CDKN3: variants seen among roughly 807,000 people sequenced by gnomAD.
CDKN3 encodes cyclin-dependent kinase inhibitor 3.
Under a neutral mutation model 36.1 loss-of-function variants are expected in CDKN3, and 19 were observed. The observed-to-expected ratio is 0.53, with a 90% CI of 0.37 to 0.77. The LOEUF is 0.77. Among genes scored for constraint, CDKN3 ranks in the 30% least tolerant of loss-of-function variants. CDKN3 has a pLI of 0.00. For synonymous variants in CDKN3, 71 were observed against 85.3 expected, an observed-to-expected ratio of 0.83 and a Z score of 0.92; for missense variants, 188 against 248.6, an observed-to-expected ratio of 0.76 and a Z score of 1.64.
At chr14:54,404,779 T>C (rs2030092881) in intron 3 of CDKN3, among the ~76,000 whole-genome samples, 1 of 150,806 alleles carries the variant, frequency 6.6e-6, no homozygotes, top group Admixed American at 6.6e-5. Flanking sequence ...GGTTTCACCG[T>C]GTTAGCCAGG....
rs57573974 is a variant in CDKN3 at position 54,418,722 on chromosome 14, A to G, written c.552+771A>G. On this transcript the variant is annotated intron_variant, in intron 7 of 7. Transcript: ENST00000335183. The stretch of plus-strand genomic sequence containing the variant: ...AGGGTTGGAGGTCTAATCCAGTGTC[A>G]TTAACAGTGAATTATCATAATTACT... Among the ~76,000 whole-genome samples, 195 of 152,340 alleles carry G rather than the reference A, an allele frequency of 1.3e-3. 2 individuals carry two copies. The highest frequency in any genetic ancestry group is 4.4e-3 in the African/African-American group (182 of 41,574).
At chr14:54,408,370 C>A (rs937235322) in intron 3 of CDKN3, among the ~76,000 whole-genome samples, 1 of 152,214 alleles carries the variant, frequency 6.6e-6, no homozygotes, top group Non-Finnish European at 1.5e-5. Flanking sequence ...ACACACTTTG[C>A]GAAGCCCTCA....
chr14:54,410,725 C>T (rs574760756), intron 4 of CDKN3, among the ~76,000 whole-genome samples: 2 of 151,976 alleles, frequency 1.3e-5, no homozygotes, highest in Admixed American at 6.5e-5. Context: ...AAGCAAACAG[C>T]TAAGTGATGA....
At chr14:54,411,324 C>T in intron 4 of CDKN3, 160 bp from the exon 5 acceptor site, 1 of 596,596 alleles carries the variant, frequency 1.7e-6, no homozygotes, top group East Asian at 2.8e-5. Context: ...TTCTAGACCC[C>T]TTTTGATTCA....
Position 54,408,745 on chromosome 14 carries a change from G to A in CDKN3, c.149G>A (p.Gly50Asp). The change falls in exon 4 of 8, where the codon GGT (glycine) becomes GAT (aspartate). Residue 50 changes from glycine to aspartate, a missense_variant and splice_region_variant. Gly to Asp is a moderately conservative substitution (Grantham distance 94). Transcript: ENST00000335183. ...TTACTTGCTTTATTATTACTTATAG[G>A]TTGTAAATTTAAAGATGTTAGAAGA... ...SQFLGLCALP[G>D]CKFKDVRRNV... The A allele has an allele frequency of 6.3e-7, 1 of 1,575,086 alleles. No homozygotes were observed. The highest frequency in any genetic ancestry group is 8.6e-7 in the Non-Finnish European group (1 of 1,166,034).
At chr14:54,401,259 T>C (rs1165400346) in intron 2 of CDKN3, among the ~76,000 whole-genome samples, 2 of 152,206 alleles carry the variant, frequency 1.3e-5, no homozygotes, top group African/African-American at 2.4e-5. Flanking sequence ...ATCATAGGCA[T>C]GAGCCACTGC....
chr14:54,408,833 G>T, intron 4 of CDKN3, 44 bp downstream of exon 4: 1 of 1,497,880 alleles, frequency 6.7e-7, no homozygotes, highest in South Asian at 1.4e-5. Context: ...TTTTTTAAAT[G>T]AATAGCATTG....
chr14:54,402,528 T>C (rs1330220441), intron 3 of CDKN3, among the ~76,000 whole-genome samples: 4 of 152,212 alleles, frequency 2.6e-5, no homozygotes, highest in African/African-American at 9.6e-5. Context: ...TAGTTTCTTT[T>C]GCTGTGCAGA....
intron 4 of CDKN3, among the ~76,000 whole-genome samples, chr14:54,410,647 T>G (rs553296622): frequency 9.2e-5 from 14 of 152,290 alleles, no homozygotes; most frequent in African/African-American, 3.4e-4. Context: ...AGTGCAGATA[T>G]GAGGGAGAAT....
At chr14:54,416,828 T>C (rs1019171017) in intron 6 of CDKN3, among the ~76,000 whole-genome samples, 1 of 151,468 alleles carries the variant, frequency 6.6e-6, no homozygotes, top group Non-Finnish European at 1.5e-5. Context: ...AAAGAAAAAA[T>C]AATAATAATA....
intron 1 of CDKN3, among the ~76,000 whole-genome samples, chr14:54,397,700 A>G (rs1185931627): frequency 3.3e-5 from 5 of 152,252 alleles, no homozygotes; most frequent in Non-Finnish European, 7.3e-5. Context: ...TGCTTTAAAG[A>G]AAAAACAGAT....
intron 3 of CDKN3, among the ~76,000 whole-genome samples, chr14:54,402,464 C>G (rs10133900): frequency 0.29 from 43,497 of 151,930 alleles, 7,136 homozygotes; most frequent in African/African-American, 0.44. Flanking sequence ...TTGTCAGATG[C>G]ATAGACGGCA....
chr14:54,413,526 T>G, intron 5 of CDKN3: 2 of 986,694 alleles, frequency 2.0e-6, no homozygotes, highest in Non-Finnish European at 3.1e-6. Flanking sequence ...AGACAGTAGA[T>G]GGGTGACTTT....
In CDKN3 at chr14:54,419,383, A is replaced by G. The variant is rs565265277; in HGVS notation, c.553-609A>G. Reference sequence around the variant, plus strand: ...GTTAGCAATGCAGTTTCCACATCTCAATAAGGATATGAAATGAGATGATTG... The same window carrying G: ...GTTAGCAATGCAGTTTCCACATCTCGATAAGGATATGAAATGAGATGATTG... On this transcript the variant is annotated intron_variant, in intron 7 of 7. Coordinates refer to ENST00000335183, the MANE Select transcript of CDKN3 (RefSeq NM_005192.4). Among the ~76,000 whole-genome samples the G allele has an allele frequency of 2.0e-5, 3 of 152,326 alleles. No homozygotes were observed. The South Asian group carries it at 6.2e-4, about 32-fold the overall frequency.
intron 3 of CDKN3, among the ~76,000 whole-genome samples, chr14:54,401,966 T>C (rs1444857639): frequency 1.3e-5 from 2 of 152,030 alleles, no homozygotes; most frequent in African/African-American, 4.8e-5. Flanking sequence ...TCCCAGCACT[T>C]TGGGAGGCCG....
chr14:54,418,900 C>T (rs969191415), intron 7 of CDKN3, among the ~76,000 whole-genome samples: 13 of 152,142 alleles, frequency 8.5e-5, no homozygotes, highest in African/African-American at 2.9e-4. Flanking sequence ...TGGCTCATGC[C>T]TATATCCTAG....
chr14:54,410,673 A>T (rs558347376), intron 4 of CDKN3, among the ~76,000 whole-genome samples: 3 of 152,302 alleles, frequency 2.0e-5, no homozygotes, highest in Admixed American at 2.0e-4. Context: ...CACCTCTGAC[A>T]CCATGGCCAT....
intron 3 of CDKN3, among the ~76,000 whole-genome samples, chr14:54,402,309 C>T (rs536124773): frequency 5.7e-4 from 84 of 147,824 alleles, no homozygotes; most frequent in Admixed American, 1.0e-3. Flanking sequence ...CATGTGTGTG[C>T]GTGTGTGTGT....
At chr14:54,412,111 T>C (rs1371643860) in intron 5 of CDKN3, among the ~76,000 whole-genome samples, 1 of 152,196 alleles carries the variant, frequency 6.6e-6, no homozygotes, top group Non-Finnish European at 1.5e-5. Context: ...CCAGGTGCAG[T>C]GGCTCGCGCC....
Sources: gnomAD v4.1 joint callset for allele counts (sites outside exome capture counted in the v4.1 genomes callset) on GRCh38, gnomAD v4.1.1 for gene constraint, MANE v1.5 for transcripts, NCBI Gene and HGNC (gene_info 2026-07-23, HGNC 2026-07-21) for gene names.